Variants in PCIF1 observed in about 807,000 individuals in gnomAD.
PCIF1 encodes mRNA (2'-O-methyladenosine-N(6)-)-methyltransferase.
PCIF1 carries 12 observed loss-of-function variants against 86.9 expected under a neutral mutation model. The ratio of observed to expected loss-of-function variants is 0.14; its 90% CI spans 0.09 to 0.22. The LOEUF is 0.22. PCIF1 is among the 10% of genes least tolerant of loss of function. The pLI is 1.00. For synonymous variants in PCIF1, 397 were observed against 372.0 expected, an observed-to-expected ratio of 1.07 and a Z score of -0.77; for missense variants, 701 against 951.1, an observed-to-expected ratio of 0.74 and a Z score of 3.46.
intron 4 of PCIF1, 45 bp downstream of exon 4, chr20:45,939,384 C>T (rs1402863657): frequency 4.4e-6 from 7 of 1,608,168 alleles, no homozygotes; most frequent in Non-Finnish European, 3.4e-6. Context: ...TGGCCTCTGG[C>T]ACCTGGGCCT....
At chr20:45,941,960 CT>C (rs74176836) in intron 7 of PCIF1, among the ~76,000 whole-genome samples, 2,982 of 136,560 alleles carry the variant, frequency 0.022, 34 homozygotes, top group African/African-American at 0.039. Context: ...GGCCTTTCAC[CT>C]TTTTTTTTTT....
chr20:45,936,653 C>G (rs182374352), intron 1 of PCIF1, among the ~76,000 whole-genome samples: 3 of 151,330 alleles, frequency 2.0e-5, no homozygotes, highest in Admixed American at 2.0e-4. Context: ...TATTTGGGCC[C>G]GGCGCAGTGG....
rs750487797 is a variant in PCIF1 at position 45,944,853 on chromosome 20, G to C, written c.1006-15G>C. 6.2e-7 allele frequency: 1 copy of C among 1,608,532 alleles called. No individual in the cohort carries two copies. The highest frequency in any genetic ancestry group is 8.5e-7 in the Non-Finnish European group (1 of 1,176,334). On this transcript the variant is annotated splice_polypyrimidine_tract_variant and intron_variant, in intron 10 of 16. Transcript: ENST00000372409. ...TGGCCTCCACTAGCGCCCTGATCCA[G>C]AATGTGTCCTCTAGGATCGCCTGGA... is the stretch of plus-strand genomic sequence containing the variant.
Position 45,947,353 on chromosome 20 carries a change from G to C in PCIF1, c.1798G>C (p.Glu600Gln). The C allele has an allele frequency of 5.6e-6, 9 of 1,613,990 alleles. No homozygotes were observed. Among genetic ancestry groups the C allele is most frequent in the Non-Finnish European group, 7.6e-6 (9 of 1,180,024 alleles). Reference sequence around the variant, plus strand: ...CCCAACACCAGCGCTCACCCGCATGGAGCAGAGCCGCTTCAAACGCCACCA... The same window carrying C: ...CCCAACACCAGCGCTCACCCGCATGCAGCAGAGCCGCTTCAAACGCCACCA... Reference protein sequence around the residue: ...EPPTPALTRMEQSRFKRHQLI... With the variant: ...EPPTPALTRMQQSRFKRHQLI... Residue 600 changes from glutamate (E) to glutamine (Q), a missense_variant, in exon 16 of 17, where the codon GAG becomes CAG. By Grantham distance (29) the Glu-to-Gln change is conservative (BLOSUM62 2). This residue lies in a region of PCIF1 where 174 missense variants were observed against 206.9 expected (regional missense o/e 0.84). Transcript: ENST00000372409. This position sits in a 1 kb window ranked among gnomAD's most constrained non-coding sequence, Gnocchi z 5.4.
In PCIF1 at chr20:45,943,025, C is replaced by T; in HGVS notation, c.674-72C>T. On this transcript the variant is annotated intron_variant, in intron 7 of 16. Coordinates refer to ENST00000372409, the MANE Select transcript of PCIF1 (RefSeq NM_022104.4). This position sits in a 1 kb window ranked among gnomAD's most constrained non-coding sequence, Gnocchi z 5.5. ...TTGCTTACTGCTGAATGCGATGCTT[C>T]CTATACGTGCCAAGCTCCAAGTGGG... 4 of 1,488,668 alleles carry T rather than the reference C, an allele frequency of 2.7e-6. No individual in the cohort carries two copies. Among genetic ancestry groups the T allele is most frequent in the Non-Finnish European group, 3.7e-6 (4 of 1,087,044 alleles). 92.2% of individuals were successfully genotyped at this position (1,488,668 alleles called of 1,614,324 possible). A position where few individuals can be genotyped will look rare whatever the true frequency, so the allele number is the denominator to read the frequency against.
At chr20:45,936,980 GC>G (rs1179086873) in intron 1 of PCIF1, among the ~76,000 whole-genome samples, 2 of 152,158 alleles carry the variant, frequency 1.3e-5, no homozygotes, top group Non-Finnish European at 2.9e-5. Context: ...AGAGCTGGGG[GC>G]TCACTATGTT....
Position 45,945,863 on chromosome 20 carries a change from C to T in PCIF1, c.1321C>T (p.Arg441Cys), listed in dbSNP as rs747113490. ...TAAGGGAGAGATGGTCAAGGTCAGC[C>T]GCAACTACTTCAGCAAGCTGGTAAG... The part of the protein sequence containing the change: ...RYKGEMVKVS[R>C]NYFSKLWLLY... The change falls in exon 12 of 17, where the codon CGC becomes TGC. Residue 441 changes from arginine (R) to cysteine (C), a missense_variant. This residue lies in a region of PCIF1 where 121 missense variants were observed against 131.7 expected (regional missense o/e 0.92). Coordinates refer to ENST00000372409, the MANE Select transcript of PCIF1 (RefSeq NM_022104.4). 13 of 1,613,818 alleles carry T rather than the reference C, an allele frequency of 8.1e-6. No individual in the cohort carries two copies. The highest frequency in any genetic ancestry group is 4.4e-5 in the South Asian group (4 of 91,082).
In PCIF1 at chr20:45,940,727, C is replaced by T; in HGVS notation, c.388-82C>T. On this transcript the variant is annotated intron_variant, in intron 5 of 16. Transcript: ENST00000372409. ...CCAGCCAGGAGGGGGGCCTGGGACA[C>T]AGTTCACCAGGTGTGCACTGTATTG... The T allele has an allele frequency of 1.4e-5, 22 of 1,570,904 alleles. No homozygotes were observed. In the South Asian group the frequency reaches 2.2e-4, roughly 16 times the overall value.
intron 7 of PCIF1, among the ~76,000 whole-genome samples, chr20:45,941,520 C>G (rs907909216): frequency 5.9e-5 from 9 of 152,220 alleles, no homozygotes; most frequent in African/African-American, 2.2e-4. Flanking sequence ...GTGGCACCAT[C>G]TCCGCTCACT....
chr20:45,944,080 T>C (rs950091523), intron 10 of PCIF1, among the ~76,000 whole-genome samples: 2 of 152,158 alleles, frequency 1.3e-5, no homozygotes, highest in African/African-American at 2.4e-5. Context: ...TGGAAACAGA[T>C]TGACAGCCTG....
rs905842332 is a variant in PCIF1 at position 45,935,233 on chromosome 20, G to C, written c.-188+429G>C. Among the ~76,000 whole-genome samples, 9 of 151,838 alleles carry C rather than the reference G, an allele frequency of 5.9e-5. No individual in the cohort carries two copies. The South Asian group carries it at 1.2e-3, about 21-fold the overall frequency. On this transcript the variant is annotated intron_variant, in intron 1 of 16. Coordinates refer to ENST00000372409, the MANE Select transcript of PCIF1 (RefSeq NM_022104.4). ...GCGCTGGAGCTCGCCTCTCGCCTTC[G>C]TGCGCCGTCGCGCCTGCGTACTTTG...
At chr20:45,936,401 G>T (rs1272640022) in intron 1 of PCIF1, among the ~76,000 whole-genome samples, 3 of 147,424 alleles carry the variant, frequency 2.0e-5, no homozygotes, top group African/African-American at 7.6e-5. Flanking sequence ...GTGTTAGCTA[G>T]GATGGTCCCG....
Position 45,947,305 on chromosome 20 carries a change from T to C in PCIF1, c.1750T>C (p.Phe584Leu). ...ACCGGAGCCCCTGTCCTTCATCGTG[T>C]TCATCCCTGAGTGGCGGGAACCCCC... ...SSPEPLSFIV[F>L]IPEWREPPTP... The change falls in exon 16 of 17, where the codon TTC becomes CTC. Residue 584 changes from phenylalanine (F) to leucine (L), a missense_variant. Physicochemically the swap from Phe to Leu is conservative, Grantham distance 22. Around this residue, in one of 7 missense-constraint regions of PCIF1, gnomAD observed 174 missense variants for 206.9 expected, o/e 0.84. Transcript: ENST00000372409. The surrounding 1 kb of genome is among the most constrained non-coding windows in gnomAD (Gnocchi z 5.4). 1 of 1,614,084 alleles carries C rather than the reference T, an allele frequency of 6.2e-7. No homozygotes were observed. The highest frequency in any genetic ancestry group is 2.2e-5 in the East Asian group (1 of 44,882).
At chr20:45,940,385 G>T (rs1027844911) in intron 4 of PCIF1, 90 bp from the exon 5 acceptor site, 2 of 1,435,164 alleles carry the variant, frequency 1.4e-6, no homozygotes, top group African/African-American at 2.9e-5. Flanking sequence ...TAAGGAGTAG[G>T]AGCAGGGGTG....
intron 1 of PCIF1, 99 bp downstream of exon 1, chr20:45,934,903 G>C (rs1399347913): frequency 3.0e-5 from 12 of 397,272 alleles, no homozygotes; most frequent in Non-Finnish European, 4.0e-5. Flanking sequence ...TTCTGCTCGG[G>C]ACTGCCGCTT....
chr20:45,946,654 C>G (rs1199383050), intron 14 of PCIF1, among the ~76,000 whole-genome samples: 1 of 152,198 alleles, frequency 6.6e-6, no homozygotes, highest in Non-Finnish European at 1.5e-5. Flanking sequence ...GTCCCAGGCC[C>G]TGAGAGGAGT....
chr20:45,943,731 G>A lies in PCIF1; in HGVS notation c.971G>A (p.Arg324Gln). The change falls in exon 10 of 17, where the codon CGG (arginine) becomes CAG (glutamine). Residue 324 changes from arginine (R) to glutamine (Q), a missense_variant. Physicochemically the swap from Arg to Gln is conservative, Grantham distance 43 (BLOSUM62 1). Coordinates refer to ENST00000372409, the MANE Select transcript of PCIF1 (RefSeq NM_022104.4). The surrounding 1 kb of genome is among the most constrained non-coding windows in gnomAD (Gnocchi z 5.5). Reference sequence around the variant, plus strand: ...GTGGAAGACACCTTTAGCTGGCTTCGGAAGGACCACTCAGCCTCCAAGGAG... The same window carrying A: ...GTGGAAGACACCTTTAGCTGGCTTCAGAAGGACCACTCAGCCTCCAAGGAG... ...WNVEDTFSWL[R>Q]KDHSASKEDY... 1.9e-6 allele frequency: 3 copies of A among 1,560,614 alleles called. No individual in the cohort carries two copies. The highest frequency in any genetic ancestry group is 8.7e-7 in the Non-Finnish European group (1 of 1,151,448).
At position 45,940,919 on chromosome 20, in the gene PCIF1, A is replaced by G; in HGVS notation, c.498A>G (p.Ala166=). The change falls in exon 6 of 17, where the codon GCA becomes GCG. Residue 166 remains alanine (A), a synonymous_variant. Transcript: ENST00000372409. Reference sequence around the variant, plus strand: ...CGTCCCCTGAAGATAAACAGCAGGCAGCTCTCCTACGACCCACTGAGTGAG... The same window carrying G: ...CGTCCCCTGAAGATAAACAGCAGGCGGCTCTCCTACGACCCACTGAGTGAG... ...WGTSPEDKQQ[A]ALLRPTEVYW... 6.2e-7 allele frequency: 1 copy of G among 1,614,172 alleles called. No homozygotes were observed. The highest frequency in any genetic ancestry group is 8.5e-7 in the Non-Finnish European group (1 of 1,180,012).
intron 1 of PCIF1, among the ~76,000 whole-genome samples, chr20:45,935,035 T>C (rs1265920207): frequency 6.6e-6 from 1 of 151,760 alleles, no homozygotes; most frequent in East Asian, 1.9e-4. Flanking sequence ...CCTCCGCTGC[T>C]GCCGCCGCCA....
Sources: gnomAD v4.1 joint callset for allele counts (sites outside exome capture counted in the v4.1 genomes callset) on GRCh38, gnomAD v4.1.1 for gene constraint, gnomAD v4.1.1 regional missense constraint, Gnocchi (gnomAD v3.1) non-coding constraint, MANE v1.5 for transcripts, NCBI Gene and HGNC (gene_info 2026-07-23, HGNC 2026-07-21) for gene names.